Variants in NALF1 observed in about 807,000 individuals in gnomAD.
NALF1 encodes family with sequence similarity 155 member A.
In NALF1, 3 loss-of-function variants were observed where a neutral mutation model predicts 48.4. The observed-to-expected ratio is 0.06, with a 90% CI of 0.03 to 0.16. NALF1 has a LOEUF of 0.16. NALF1 is among the 10% of genes least tolerant of loss of function. The probability of loss-of-function intolerance (pLI) is 1.00; values close to 1 mark genes in which losing one functional copy is unlikely to be tolerated. For synonymous variants in NALF1, 262 were observed against 245.7 expected (o/e 1.07, Z -0.62); for missense variants, 526 against 571.5 (o/e 0.92, Z 0.81).
intron 1 of NALF1, among the ~76,000 whole-genome samples, chr13:107,557,305 G>A (rs1249342910): frequency 6.6e-6 from 1 of 152,162 alleles, no homozygotes. Context: ...ATTCTTAAAT[G>A]TGACTCTTGT....
intron 1 of NALF1, among the ~76,000 whole-genome samples, chr13:107,724,394 T>C (rs1876087486): frequency 6.6e-6 from 1 of 152,182 alleles, no homozygotes; most frequent in South Asian, 2.1e-4. Flanking sequence ...CTGATTTTTA[T>C]CTTATTTCTT....
chr13:107,565,295 G>A (rs1428455094), intron 1 of NALF1, among the ~76,000 whole-genome samples: 1 of 150,838 alleles, frequency 6.6e-6, no homozygotes, highest in African/African-American at 2.4e-5. Flanking sequence ...TCATGCCAGA[G>A]CGTCCCTTGA....
chr13:107,457,964 T>C (rs1490573978), intron 1 of NALF1, among the ~76,000 whole-genome samples: 4 of 152,234 alleles, frequency 2.6e-5, no homozygotes, highest in African/African-American at 4.8e-5. Context: ...TTAGACCACA[T>C]TGATTAACTG....
At chr13:107,534,392 C>G (rs950269994) in intron 1 of NALF1, among the ~76,000 whole-genome samples, 7 of 152,018 alleles carry the variant, frequency 4.6e-5, no homozygotes, top group African/African-American at 1.7e-4. Flanking sequence ...AAAAAAAGAA[C>G]AAAAGGAGAG....
intron 1 of NALF1, among the ~76,000 whole-genome samples, chr13:107,285,832 G>T (rs1453704531): frequency 6.6e-6 from 1 of 151,974 alleles, no homozygotes; most frequent in Non-Finnish European, 1.5e-5. Context: ...AGAAATAAGG[G>T]TGATAATATG....
intron 1 of NALF1, among the ~76,000 whole-genome samples, chr13:107,392,444 C>G (rs2138984128): frequency 6.6e-6 from 1 of 152,232 alleles, no homozygotes; most frequent in East Asian, 1.9e-4. Context: ...CATCCTTTTC[C>G]TAACAAATTC....
intron 1 of NALF1, among the ~76,000 whole-genome samples, chr13:107,518,598 C>T (rs899384161): frequency 1.3e-5 from 2 of 152,076 alleles, no homozygotes; most frequent in Non-Finnish European, 2.9e-5. Flanking sequence ...ACCAAAGGTA[C>T]CTTTTCTCCT....
At chr13:107,283,720 C>G (rs939836817) in intron 1 of NALF1, among the ~76,000 whole-genome samples, 4 of 151,598 alleles carry the variant, frequency 2.6e-5, no homozygotes, top group Non-Finnish European at 5.9e-5. Flanking sequence ...AGTGCAGTGG[C>G]GCAAACTCGG....
chr13:107,340,353 C>G (rs1467950789), intron 1 of NALF1, among the ~76,000 whole-genome samples: 1 of 151,528 alleles, frequency 6.6e-6, no homozygotes, highest in East Asian at 1.9e-4. Context: ...ATTAGCCCAG[C>G]TGGTCACAAA....
intron 1 of NALF1, among the ~76,000 whole-genome samples, chr13:107,712,295 G>C (rs1417919712): frequency 6.6e-6 from 1 of 152,088 alleles, no homozygotes; most frequent in African/African-American, 2.4e-5. Context: ...TCCTAAAAGA[G>C]GTATTAATAA....
At chr13:107,572,073 C>T (rs931902627) in intron 1 of NALF1, among the ~76,000 whole-genome samples, 10 of 152,138 alleles carry the variant, frequency 6.6e-5, no homozygotes, top group African/African-American at 2.2e-4. Context: ...AAACCATACA[C>T]AAAAATCTAT....
In NALF1 at chr13:107,568,162, G is replaced by A. The variant is rs568674763; in HGVS notation, c.915+297520C>T. 6.6e-4 allele frequency among the ~76,000 whole-genome samples: 101 copies of A among 152,078 alleles called. 1 individual carries two copies. The highest frequency in any genetic ancestry group is 2.5e-3 in the Admixed American group (38 of 15,292). On this transcript the variant is annotated intron_variant, in intron 1 of 2. Coordinates refer to ENST00000375915, the MANE Select transcript of NALF1 (RefSeq NM_001080396.3). ...CTGGCTAATTTATTTTAATTTTTTC[G>A]TAGAGATGGAGTCTCACCATGGTGC...
At chr13:107,559,479 C>G (rs968909559) in intron 1 of NALF1, among the ~76,000 whole-genome samples, 1 of 152,122 alleles carries the variant, frequency 6.6e-6, no homozygotes, top group African/African-American at 2.4e-5. Flanking sequence ...CCAATAATAT[C>G]TCATTTGTTT....
At chr13:107,696,820 T>C (rs1189346699) in intron 1 of NALF1, among the ~76,000 whole-genome samples, 1 of 152,148 alleles carries the variant, frequency 6.6e-6, no homozygotes, top group African/African-American at 2.4e-5. Flanking sequence ...CTAATTGGCC[T>C]GGGTTTTGTA....
In NALF1 at chr13:107,581,563, A is replaced by C. The variant is rs117662674; in HGVS notation, c.915+284119T>G. ...TTGTGTACTACAAGAAAATTGTGTA[A>C]AGAGAGAAGGATCCAAATTATGAAG... On this transcript the variant is annotated intron_variant, in intron 1 of 2. Coordinates refer to ENST00000375915, the MANE Select transcript of NALF1 (RefSeq NM_001080396.3). Among the ~76,000 whole-genome samples, 922 of 152,294 alleles carry C rather than the reference A, an allele frequency of 6.1e-3. 4 individuals are homozygous for C. Among genetic ancestry groups the C allele is most frequent in the Middle Eastern group, 0.014 (4 of 294 alleles).
intron 1 of NALF1, among the ~76,000 whole-genome samples, chr13:107,537,541 C>T (rs982016519): frequency 8.5e-5 from 13 of 152,140 alleles, no homozygotes; most frequent in South Asian, 4.1e-4. Flanking sequence ...AATAATGATA[C>T]AGTTGTCGTC....
Position 107,687,290 on chromosome 13 carries a change from A to G in NALF1, c.915+178392T>C, listed in dbSNP as rs376955994. Among the ~76,000 whole-genome samples, 20 of 151,878 alleles carry G rather than the reference A, an allele frequency of 1.3e-4. No homozygotes were observed. The East Asian group carries it at 3.7e-3, about 28-fold the overall frequency. On this transcript the variant is annotated intron_variant, in intron 1 of 2. Transcript: ENST00000375915. ...AAGATGGAAACAACAGACACTGGGCACTCCAAGAGTCTGGATGGAGGGAGG... is the reference window on the plus strand; with the variant it reads ...AAGATGGAAACAACAGACACTGGGCGCTCCAAGAGTCTGGATGGAGGGAGG...
chr13:107,541,322 T>G (rs1876992736), intron 1 of NALF1, among the ~76,000 whole-genome samples: 1 of 152,170 alleles, frequency 6.6e-6, no homozygotes, highest in African/African-American at 2.4e-5. Flanking sequence ...CGTTGTTGTT[T>G]AAGGACATTA....
At chr13:107,509,769 G>A (rs988477861) in intron 1 of NALF1, among the ~76,000 whole-genome samples, 4 of 152,080 alleles carry the variant, frequency 2.6e-5, no homozygotes, top group African/African-American at 9.7e-5. Context: ...ATTCCTGAAA[G>A]AACAACTGGT....
Sources: gnomAD v4.1 joint callset for allele counts (sites outside exome capture counted in the v4.1 genomes callset) on GRCh38, gnomAD v4.1.1 for gene constraint, MANE v1.5 for transcripts, NCBI Gene and HGNC (gene_info 2026-07-23, HGNC 2026-07-21) for gene names.